Variants in ZDHHC1 observed in about 807,000 individuals in gnomAD.
ZDHHC1 encodes the protein zDHHC palmitoyltransferase 1, also known as palmitoyltransferase ZDHHC1.
ZDHHC1 carries 45 observed loss-of-function variants against 46.9 expected under a neutral mutation model. The observed-to-expected ratio is 0.96, with a 90% confidence interval of 0.76 to 1.23. ZDHHC1 has a LOEUF of 1.23. Among genes scored for constraint, ZDHHC1 ranks in the 50% most tolerant of loss-of-function variants. The pLI is 0.00. For missense variants in ZDHHC1, 649 were observed against 670.8 expected, an observed-to-expected ratio of 0.97 and a Z score of 0.36; for synonymous variants, 291 against 286.0, an observed-to-expected ratio of 1.02 and a Z score of -0.18.
chr16:67,406,257 G>A lies in ZDHHC1; in HGVS notation c.195C>T (p.Ile65=), dbSNP rs555524849. 64 of 1,612,470 alleles carry A rather than the reference G, an allele frequency of 4.0e-5. No homozygotes were observed. Among genetic ancestry groups the A allele is most frequent in the Admixed American group, 1.7e-4 (10 of 59,786 alleles). ...AWLLYLFFAV[I]GFGILVPLLP... ...GGAGGGGAACAAGGATCCCAAAGCC[G>A]ATCACAGCAAAGAAGAGGTACAGCA... The change falls in exon 3 of 12, where the codon ATC becomes ATT. Residue 65 remains isoleucine, a synonymous_variant. Coordinates refer to ENST00000565726, the MANE Select transcript of ZDHHC1 (RefSeq NM_001323627.2). The surrounding 1 kb of genome is among the most constrained non-coding windows in gnomAD (Gnocchi z 4.1).
chr16:67,409,228 C>G (rs1597548215), intron 1 of ZDHHC1, among the ~76,000 whole-genome samples: 1 of 151,972 alleles, frequency 6.6e-6, no homozygotes, highest in Non-Finnish European at 1.5e-5. Context: ...CAGGATACCC[C>G]CTGATACTCC....
At chr16:67,395,818 C>T (rs1001581820) in intron 8 of ZDHHC1, 8 of 530,256 alleles carry the variant, frequency 1.5e-5, no homozygotes, top group Admixed American at 6.6e-5. Context: ...GGCTCCCAGC[C>T]CCCATGGGTC....
At chr16:67,409,908 G>A (rs749491339) in intron 1 of ZDHHC1, among the ~76,000 whole-genome samples, 12 of 150,802 alleles carry the variant, frequency 8.0e-5, no homozygotes, top group Non-Finnish European at 1.5e-4. Context: ...TACCAGGGCA[G>A]TGGGTGAATG....
chr16:67,408,092 C>T (rs1430641838), intron 1 of ZDHHC1, among the ~76,000 whole-genome samples: 1 of 152,162 alleles, frequency 6.6e-6, no homozygotes, highest in Non-Finnish European at 1.5e-5. Flanking sequence ...CTGAGTTGTC[C>T]CATCTCAAAG....
intron 3 of ZDHHC1, chr16:67,404,657 G>A (rs529607207): frequency 1.5e-5 from 7 of 454,708 alleles, no homozygotes; most frequent in South Asian, 7.8e-5. Context: ...AGCCCATCTG[G>A]CCTCACTGGG....
Position 67,394,993 on chromosome 16 carries a change from G to A in ZDHHC1, c.1165+9C>T. ...CCAGAGCAGGACCCGGACAGGGAGAGGCGCTCACCCGACGCCGGATCCGAG... is the reference window on the plus strand; with the variant it reads ...CCAGAGCAGGACCCGGACAGGGAGAAGCGCTCACCCGACGCCGGATCCGAG... On this transcript the variant is annotated intron_variant, in intron 11 of 11. Coordinates refer to ENST00000565726, the MANE Select transcript of ZDHHC1 (RefSeq NM_001323627.2). The A allele has an allele frequency of 6.2e-7, 1 of 1,606,394 alleles. No homozygotes were observed. Among genetic ancestry groups the A allele is most frequent in the Non-Finnish European group, 8.5e-7 (1 of 1,176,590 alleles).
chr16:67,398,396 C>T (rs2040475907), intron 7 of ZDHHC1, 72 bp from the exon 8 acceptor site: 2 of 1,549,230 alleles, frequency 1.3e-6, no homozygotes, highest in African/African-American at 1.4e-5. Flanking sequence ...GGGAGGACAA[C>T]CAGCCCCAGG....
intron 3 of ZDHHC1, among the ~76,000 whole-genome samples, chr16:67,405,819 G>A (rs1232276013): frequency 6.6e-6 from 1 of 152,196 alleles, no homozygotes; most frequent in African/African-American, 2.4e-5. Context: ...TTTGAAAAGT[G>A]AAAAATTCTT....
At chr16:67,402,516 G>A (rs1466725287) in intron 3 of ZDHHC1, among the ~76,000 whole-genome samples, 1 of 152,176 alleles carries the variant, frequency 6.6e-6, no homozygotes, top group African/African-American at 2.4e-5. Flanking sequence ...TCACCCCCAG[G>A]GTCATTCATT....
chr16:67,408,724 G>A (rs1416111425), intron 1 of ZDHHC1, among the ~76,000 whole-genome samples: 8 of 152,146 alleles, frequency 5.3e-5, no homozygotes, highest in Non-Finnish European at 1.2e-4. Flanking sequence ...GGGCTCAAGC[G>A]ATCTTCCCAC....
chr16:67,399,408 AC>A lies in ZDHHC1; in HGVS notation c.476del (p.Gly159ValfsTer62), dbSNP rs1349205343. 3 of 1,613,208 alleles carry A rather than the reference AC, an allele frequency of 1.9e-6. No homozygotes were observed. In the African/African-American group the frequency reaches 4.0e-5, roughly 22 times the overall value. Reference protein sequence around the residue: ...HCSACNKCVCGFDHHCKWLNN... With the variant: ...HCSACNKCVCXFDHHCKWLNN... ...TGAGCCACTTGCAGTGGTGGTCGAA[AC>A]CGCACACGCACTTGTTGCAGGCGCT... is the stretch of plus-strand genomic sequence containing the variant. On this transcript the variant is annotated frameshift_variant, in exon 5 of 12. Transcript: ENST00000565726. LOFTEE classifies it high-confidence loss of function.
intron 1 of ZDHHC1, among the ~76,000 whole-genome samples, chr16:67,414,791 G>A (rs973555365): frequency 6.6e-6 from 1 of 152,224 alleles, no homozygotes; most frequent in Non-Finnish European, 1.5e-5. Flanking sequence ...GCAGAACTAG[G>A]ATGGCCCTCA....
In ZDHHC1 at chr16:67,406,168, C is replaced by T. The variant is rs1213301082; in HGVS notation, c.252+32G>A. ...CAGCCATCCTTTGCCTCCCCACTTC[C>T]ACACACCAGCCCTACGCTTTCCCAA... On this transcript the variant is annotated intron_variant, in intron 3 of 11. Transcript: ENST00000565726. This position sits in a 1 kb window ranked among gnomAD's most constrained non-coding sequence, Gnocchi z 4.1. 1.1e-5 allele frequency: 18 copies of T among 1,600,128 alleles called. No individual in the cohort carries two copies. Among genetic ancestry groups the T allele is most frequent in the Non-Finnish European group, 1.5e-5 (17 of 1,171,098 alleles).
chr16:67,411,621 T>C (rs1440546989), intron 1 of ZDHHC1, among the ~76,000 whole-genome samples: 1 of 152,136 alleles, frequency 6.6e-6, no homozygotes, highest in Non-Finnish European at 1.5e-5. Context: ...CTCACAAAGA[T>C]TTACTGCAGC....
chr16:67,399,093 C>T, intron 5 of ZDHHC1, 149 bp from the exon 6 acceptor site: 1 of 1,221,620 alleles, frequency 8.2e-7, no homozygotes, highest in African/African-American at 1.5e-5. Flanking sequence ...AGGCATACGG[C>T]AAAACTGAAG....
At chr16:67,395,650 C>T (rs2040416865) in intron 8 of ZDHHC1, 84 bp from the exon 9 acceptor site, 2 of 1,315,082 alleles carry the variant, frequency 1.5e-6, no homozygotes, top group South Asian at 2.6e-5. Flanking sequence ...CAGTCCTGCC[C>T]TCATTGGCCT....
chr16:67,413,054 C>T (rs984366028), intron 1 of ZDHHC1, among the ~76,000 whole-genome samples: 10 of 151,728 alleles, frequency 6.6e-5, no homozygotes, highest in Non-Finnish European at 1.0e-4. Flanking sequence ...CCACCCGCCT[C>T]GGCCTCCTAG....
chr16:67,399,667 C>A (rs2040509860), intron 4 of ZDHHC1, among the ~76,000 whole-genome samples: 1 of 152,104 alleles, frequency 6.6e-6, no homozygotes, highest in Non-Finnish European at 1.5e-5. Context: ...CTGGGGGACC[C>A]CAGAGGCCGC....
At chr16:67,398,469 C>T in intron 7 of ZDHHC1, 104 bp downstream of exon 7, 4 of 1,522,188 alleles carry the variant, frequency 2.6e-6, no homozygotes, top group Non-Finnish European at 3.5e-6. Flanking sequence ...ATAGTGAGCC[C>T]ATACTAGGCA....
Sources: gnomAD v4.1 joint callset for allele counts (sites outside exome capture counted in the v4.1 genomes callset) on GRCh38, gnomAD v4.1.1 for gene constraint, Gnocchi (gnomAD v3.1) non-coding constraint, MANE v1.5 for transcripts, NCBI Gene and HGNC (gene_info 2026-07-23, HGNC 2026-07-21) for gene names.